PTPRT: variants seen among roughly 807,000 people sequenced by gnomAD.
The protein encoded by PTPRT is protein tyrosine phosphatase receptor type T, also known as receptor-type tyrosine-protein phosphatase T.
In PTPRT, 56 loss-of-function variants were observed where a neutral mutation model predicts 176.8. The observed-to-expected ratio is 0.32, with a 90% CI of 0.26 to 0.40. The LOEUF (loss-of-function observed/expected upper bound fraction) is 0.40, where lower values mean the gene tolerates loss of function less well. Among genes scored for constraint, PTPRT ranks in the 10% least tolerant of loss-of-function variants. The pLI is 1.00. For synonymous variants in PTPRT, 783 were observed against 739.0 expected, an observed-to-expected ratio of 1.06 and a Z score of -0.96; for missense variants, 1,540 against 1,908.2, an observed-to-expected ratio of 0.81 and a Z score of 3.60.
At chr20:42,655,373 C>T (rs2075106693) in intron 7 of PTPRT, among the ~76,000 whole-genome samples, 1 of 152,264 alleles carries the variant, frequency 6.6e-6, no homozygotes, top group East Asian at 1.9e-4. Context: ...CCCCTGTAAT[C>T]TCAGCTACTT....
chr20:42,267,825 T>C (rs572954077), intron 13 of PTPRT, among the ~76,000 whole-genome samples: 9 of 152,346 alleles, frequency 5.9e-5, no homozygotes, highest in Non-Finnish European at 1.0e-4. Context: ...CCTGAAGAAC[T>C]AATTGGACCT....
At chr20:42,816,075 G>A (rs181417442) in intron 2 of PTPRT, among the ~76,000 whole-genome samples, 290 of 152,274 alleles carry the variant, frequency 1.9e-3, no homozygotes, top group African/African-American at 6.8e-3. Flanking sequence ...TTCTTGGGCT[G>A]AAGCCAGTAA....
At chr20:42,546,477 A>C (rs528509799) in intron 7 of PTPRT, among the ~76,000 whole-genome samples, 190 of 136,414 alleles carry the variant, frequency 1.4e-3, no homozygotes, top group African/African-American at 5.6e-3. Flanking sequence ...CAGACAAAAA[A>C]AGAAAAAAAA....
intron 9 of PTPRT, among the ~76,000 whole-genome samples, chr20:42,426,564 A>G (rs998086989): frequency 4.2e-4 from 64 of 152,312 alleles, no homozygotes; most frequent in African/African-American, 1.5e-3. Context: ...AGGACACTGA[A>G]TTGGTTAACA....
the PTPRT span, among the ~76,000 whole-genome samples, chr20:42,035,353 C>T: frequency 7.2e-4 from 110 of 152,278 alleles, 2 homozygotes; most frequent in African/African-American, 2.5e-3. Flanking sequence ...CTGGAATTCA[C>T]ACTCCAAATT....
intron 15 of PTPRT, among the ~76,000 whole-genome samples, chr20:42,220,580 A>AAAAG (rs10627380): frequency 0.95 from 144,558 of 152,014 alleles, 68,967 homozygotes; most frequent in Non-Finnish European, 0.99. Context: ...CACATTAATA[A>AAAAG]AAAGAATGGG....
At chr20:42,282,095 G>A (rs181336273) in intron 13 of PTPRT, among the ~76,000 whole-genome samples, 65 of 152,180 alleles carry the variant, frequency 4.3e-4, no homozygotes, top group African/African-American at 6.0e-4. Flanking sequence ...CCAACAGAAC[G>A]AAGTACAGAA....
At chr20:42,744,896 G>A (rs1264377045) in intron 6 of PTPRT, among the ~76,000 whole-genome samples, 1 of 152,240 alleles carries the variant, frequency 6.6e-6, no homozygotes, top group Non-Finnish European at 1.5e-5. Context: ...CAGGGCCCTA[G>A]TGATTGCAGA....
intron 11 of PTPRT, among the ~76,000 whole-genome samples, chr20:42,318,755 T>C (rs567726586): frequency 3.9e-5 from 6 of 152,146 alleles, no homozygotes; most frequent in Non-Finnish European, 8.8e-5. Context: ...AACAAGGCCT[T>C]TGTCTTGCTT....
intron 1 of PTPRT, among the ~76,000 whole-genome samples, chr20:43,060,831 GGGA>G (rs993063979): frequency 6.6e-6 from 1 of 152,138 alleles, no homozygotes; most frequent in Non-Finnish European, 1.5e-5. Flanking sequence ...AGACTTGTTT[GGGA>G]GGAGGAGAAC....
chr20:42,808,252 T>C (rs1025441118), intron 2 of PTPRT, among the ~76,000 whole-genome samples: 1 of 152,154 alleles, frequency 6.6e-6, no homozygotes, highest in African/African-American at 2.4e-5. Context: ...CAATTTCCAA[T>C]AAACATCCTA....
chr20:42,998,054 T>G (rs188158736), intron 1 of PTPRT, among the ~76,000 whole-genome samples: 1 of 152,298 alleles, frequency 6.6e-6, no homozygotes, highest in Admixed American at 6.5e-5. Flanking sequence ...ACATTCTTTC[T>G]TTTCCTTTAA....
chr20:42,344,192 G>T (rs775529209), intron 11 of PTPRT, among the ~76,000 whole-genome samples: 1 of 152,174 alleles, frequency 6.6e-6, no homozygotes, highest in African/African-American at 2.4e-5. Flanking sequence ...GAGGCATCAG[G>T]CCCAGCCCCC....
chr20:42,831,417 T>C (rs1326041782), intron 2 of PTPRT, among the ~76,000 whole-genome samples: 2 of 151,994 alleles, frequency 1.3e-5, no homozygotes, highest in Admixed American at 1.3e-4. Flanking sequence ...CCCCAAACTA[T>C]AAAAACCCTA....
At position 43,095,523 on chromosome 20, in the gene PTPRT, C is replaced by A. The variant is rs535601747; in HGVS notation, c.88+94123G>T. 2.6e-5 allele frequency among the ~76,000 whole-genome samples: 4 copies of A among 152,064 alleles called. No individual in the cohort carries two copies. In the South Asian group the frequency reaches 8.3e-4, roughly 32 times the overall value. ...CTGGACATGTCTGCATGGCTCCCCA[C>A]CCACCTTGCAAATTTTCCCAGCCCC... On this transcript the variant is annotated intron_variant, in intron 1 of 30. Transcript: ENST00000373187.
chr20:42,376,882 G>A (rs1400375828), intron 9 of PTPRT, among the ~76,000 whole-genome samples: 2 of 152,138 alleles, frequency 1.3e-5, no homozygotes, highest in Admixed American at 6.5e-5. Flanking sequence ...TGAAAGGCGC[G>A]ATAAGGAAGT....
intron 1 of PTPRT, among the ~76,000 whole-genome samples, chr20:42,916,572 G>A (rs1372311343): frequency 1.3e-5 from 2 of 152,154 alleles, no homozygotes; most frequent in Non-Finnish European, 2.9e-5. Context: ...CTAGTTTACA[G>A]TCCCACCAAC....
At chr20:42,099,542 T>TGGGTGGGGGGGGGGGG in intron 26 of PTPRT, among the ~76,000 whole-genome samples, 1 of 8,718 alleles carries the variant, frequency 1.1e-4, no homozygotes. Flanking sequence ...GAAAATGGCC[T>TGGGTGGGGGGGGGGGG]GGGCGGGGGG....
At chr20:42,105,777 C>CCAAT (rs1028698337) in intron 24 of PTPRT, among the ~76,000 whole-genome samples, 7 of 152,304 alleles carry the variant, frequency 4.6e-5, no homozygotes, top group Admixed American at 3.3e-4. Flanking sequence ...TGTGTGTAAA[C>CCAAT]CAATCAATGG....
Sources: allele counts gnomAD v4.1 joint callset (sites outside exome capture counted in the v4.1 genomes callset), GRCh38; gene constraint gnomAD v4.1.1; transcripts MANE v1.5; gene names NCBI Gene and HGNC (gene_info 2026-07-23, HGNC 2026-07-21).